The following ZNF385D variants were observed in gnomAD, a reference collection of about 807,000 sequenced individuals.
ZNF385D encodes the protein zinc finger protein 385D.
In ZNF385D, 15 loss-of-function variants were observed where a neutral mutation model predicts 35.8. That is an observed-to-expected ratio of 0.42 (90% CI 0.28 to 0.64). ZNF385D has a LOEUF of 0.64. Among genes scored for constraint, ZNF385D ranks in the 30% least tolerant of loss-of-function variants. ZNF385D has a pLI of 0.23. For synonymous variants in ZNF385D, 212 were observed against 186.8 expected (o/e 1.13, Z -1.10); for missense variants, 474 against 494.6 (o/e 0.96, Z 0.39).
At chr3:21,979,298 T>C (rs868468355) in intron 3 of ZNF385D, among the ~76,000 whole-genome samples, 1 of 152,222 alleles carries the variant, frequency 6.6e-6, no homozygotes, top group Non-Finnish European at 1.5e-5. Flanking sequence ...ATTATGTATA[T>C]TTAACCCCAC....
intron 2 of ZNF385D, among the ~76,000 whole-genome samples, chr3:22,292,709 G>C (rs543073725): frequency 1.3e-5 from 2 of 152,130 alleles, no homozygotes; most frequent in South Asian, 4.1e-4. Flanking sequence ...ACAAGTATTT[G>C]TTTTCTGTAT....
At chr3:22,032,623 G>A (rs907799165) in intron 3 of ZNF385D, among the ~76,000 whole-genome samples, 11 of 152,086 alleles carry the variant, frequency 7.2e-5, no homozygotes, top group African/African-American at 7.2e-5. Flanking sequence ...CTTTCTTAGC[G>A]CTAAGGTTAA....
intron 3 of ZNF385D, among the ~76,000 whole-genome samples, chr3:21,972,077 T>A (rs1361033042): frequency 6.6e-6 from 1 of 151,906 alleles, no homozygotes; most frequent in Admixed American, 6.6e-5. Context: ...AAAGAAAAAT[T>A]GAACTTGATA....
intron 2 of ZNF385D, among the ~76,000 whole-genome samples, chr3:22,192,543 G>A (rs1696129701): frequency 6.6e-6 from 1 of 152,118 alleles, no homozygotes; most frequent in Admixed American, 6.6e-5. Flanking sequence ...AGGGAAACCA[G>A]CTGCCATGTT....
At chr3:21,910,649 T>C (rs1468645049) in intron 3 of ZNF385D, among the ~76,000 whole-genome samples, 2 of 151,752 alleles carry the variant, frequency 1.3e-5, no homozygotes, top group African/African-American at 4.8e-5. Flanking sequence ...TATAATTGTG[T>C]GAATGAACAG....
chr3:22,058,604 A>C (rs946383494), intron 3 of ZNF385D, among the ~76,000 whole-genome samples: 3 of 152,248 alleles, frequency 2.0e-5, no homozygotes, highest in African/African-American at 2.4e-5. Flanking sequence ...AGGATTATAA[A>C]CTAACTTGAG....
intron 2 of ZNF385D, among the ~76,000 whole-genome samples, chr3:22,210,397 G>A (rs1435540328): frequency 1.3e-5 from 2 of 151,748 alleles, no homozygotes; most frequent in Non-Finnish European, 2.9e-5. Context: ...TTGAGAATTA[G>A]GCAAGTATAA....
chr3:21,429,266 A>C (rs1038992631), intron 5 of ZNF385D, among the ~76,000 whole-genome samples: 5 of 152,112 alleles, frequency 3.3e-5, no homozygotes, highest in Non-Finnish European at 7.4e-5. Context: ...TATTAATAAT[A>C]GTTATCATGT....
At chr3:22,189,862 C>G (rs977172805) in intron 2 of ZNF385D, among the ~76,000 whole-genome samples, 1 of 152,126 alleles carries the variant, frequency 6.6e-6, no homozygotes, top group Non-Finnish European at 1.5e-5. Context: ...TGAAAGTGTC[C>G]TGTTGTTCAT....
At chr3:22,256,852 TG>T (rs900097001) in intron 2 of ZNF385D, among the ~76,000 whole-genome samples, 2 of 151,882 alleles carry the variant, frequency 1.3e-5, no homozygotes, top group Non-Finnish European at 2.9e-5. Flanking sequence ...ATTTTCTCAG[TG>T]GAGAAGGATT....
intron 3 of ZNF385D, among the ~76,000 whole-genome samples, chr3:22,119,691 T>C (rs1020259933): frequency 3.9e-5 from 6 of 152,104 alleles, no homozygotes; most frequent in African/African-American, 2.4e-5. Flanking sequence ...TAGGCAGTGG[T>C]AGATTGGAAG....
rs548326381 is a variant in ZNF385D, at chr3:21,852,680, T to C, written c.326-187652A>G. On this transcript the variant is annotated intron_variant, in intron 3 of 5. Coordinates refer to the ZNF385D transcript ENST00000494108. ...TACTTAGGACAAGATGATTATGTCA[T>C]TACTAAAAAATTGACAAAGAATAAA... Among the ~76,000 whole-genome samples the C allele has an allele frequency of 5.3e-5, 8 of 151,972 alleles. 1 individual carries two copies. The South Asian group carries it at 1.7e-3, about 32-fold the overall frequency.
At chr3:21,612,299 C>T (rs970267296) in intron 2 of ZNF385D, among the ~76,000 whole-genome samples, 4 of 151,972 alleles carry the variant, frequency 2.6e-5, no homozygotes, top group South Asian at 2.1e-4. Context: ...GGGGTATCAC[C>T]GTGTTGGGCA....
chr3:21,551,201 C>T (rs2125597698), intron 3 of ZNF385D, among the ~76,000 whole-genome samples: 1 of 152,264 alleles, frequency 6.6e-6, no homozygotes, highest in East Asian at 1.9e-4. Flanking sequence ...GCTGACTAAG[C>T]AGGAAACACA....
intron 3 of ZNF385D, among the ~76,000 whole-genome samples, chr3:21,813,197 C>G (rs374743979): frequency 6.6e-6 from 1 of 152,134 alleles, no homozygotes; most frequent in Non-Finnish European, 1.5e-5. Flanking sequence ...ATCTGTAGGT[C>G]ACCATCATCA....
chr3:22,188,441 A>T (rs991491395), intron 2 of ZNF385D, among the ~76,000 whole-genome samples: 8 of 143,910 alleles, frequency 5.6e-5, no homozygotes, highest in Admixed American at 3.5e-4. Context: ...ACATACAAAT[A>T]CGTGTGTATA....
chr3:21,462,066 T>G (rs1035882353), intron 4 of ZNF385D, among the ~76,000 whole-genome samples: 1 of 152,196 alleles, frequency 6.6e-6, no homozygotes, highest in Non-Finnish European at 1.5e-5. Context: ...TCGCTGAAGT[T>G]TGACAGTTTG....
chr3:22,333,468 T>C (rs866140487), intron 2 of ZNF385D, among the ~76,000 whole-genome samples: 1 of 152,108 alleles, frequency 6.6e-6, no homozygotes. Flanking sequence ...TTTTTTTCTA[T>C]CTTTTTTTCT....
chr3:22,178,505 C>A (rs1463288292), intron 2 of ZNF385D, among the ~76,000 whole-genome samples: 2 of 152,102 alleles, frequency 1.3e-5, no homozygotes, highest in Non-Finnish European at 2.9e-5. Context: ...GAGTAGATTG[C>A]AAAAATTTTT....
Sources: gnomAD v4.1 joint callset for allele counts (sites outside exome capture counted in the v4.1 genomes callset) on GRCh38, gnomAD v4.1.1 for gene constraint, MANE v1.5 for transcripts, NCBI Gene and HGNC (gene_info 2026-07-23, HGNC 2026-07-21) for gene names.